KSR2: variants seen among roughly 807,000 people sequenced by gnomAD.
KSR2 encodes kinase suppressor of ras 2.
In KSR2, 25 loss-of-function variants were observed where a neutral mutation model predicts 107.8. The ratio of observed to expected loss-of-function variants is 0.23; its 90% CI spans 0.17 to 0.32. The LOEUF (loss-of-function observed/expected upper bound fraction) is 0.32, where lower values mean the gene tolerates loss of function less well. KSR2 is among the 10% of genes least tolerant of loss of function. KSR2 has a pLI of 1.00. For synonymous variants in KSR2, 480 were observed against 507.0 expected, an observed-to-expected ratio of 0.95 and a Z score of 0.71; for missense variants, 887 against 1,268.9, an observed-to-expected ratio of 0.70 and a Z score of 4.57.
intron 4 of KSR2, among the ~76,000 whole-genome samples, chr12:117,760,231 A>T (rs913723656): frequency 6.6e-6 from 1 of 152,196 alleles, no homozygotes; most frequent in Non-Finnish European, 1.5e-5. Context: ...GCTACTGTGA[A>T]TAGCACAGCA....
At chr12:117,921,868 G>C (rs1400174770) in intron 1 of KSR2, among the ~76,000 whole-genome samples, 1 of 152,120 alleles carries the variant, frequency 6.6e-6, no homozygotes, top group African/African-American at 2.4e-5. Flanking sequence ...AAAGTGGTTT[G>C]ACAAAAATAA....
intron 3 of KSR2, among the ~76,000 whole-genome samples, chr12:117,777,078 T>A (rs937585922): frequency 1.7e-4 from 19 of 111,304 alleles, no homozygotes; most frequent in East Asian, 1.5e-3. Context: ...CTGTATTTAA[T>A]ATATATATTT....
chr12:117,698,181 TA>T (rs1463196845), intron 4 of KSR2, among the ~76,000 whole-genome samples: 1 of 152,202 alleles, frequency 6.6e-6, no homozygotes, highest in African/African-American at 2.4e-5. Flanking sequence ...TGTGAGACAG[TA>T]AATTTCTGTT....
In KSR2 at chr12:117,874,015, C is replaced by T. The variant is rs574677753; in HGVS notation, c.181-13584G>A. ...GCGTTTTTTTGCATTTCATTTCCCT[C>T]GCAAATCATCTTTATTCTATTTCAC... is the stretch of plus-strand genomic sequence containing the variant. On this transcript the variant is annotated intron_variant, in intron 1 of 19. Coordinates refer to ENST00000339824, the MANE Select transcript of KSR2 (RefSeq NM_173598.6). 5.3e-5 allele frequency among the ~76,000 whole-genome samples: 8 copies of T among 152,322 alleles called. No homozygotes were observed. In the East Asian group the frequency reaches 7.7e-4, roughly 15 times the overall value.
intron 3 of KSR2, among the ~76,000 whole-genome samples, chr12:117,812,820 A>G (rs1374917139): frequency 7.6e-6 from 1 of 131,286 alleles, no homozygotes; most frequent in Non-Finnish European, 1.6e-5. Flanking sequence ...TCTGTGTGGA[A>G]CCACAAAAGA....
intron 5 of KSR2, among the ~76,000 whole-genome samples, chr12:117,607,322 T>A (rs1295669136): frequency 6.6e-6 from 1 of 152,212 alleles, no homozygotes; most frequent in East Asian, 1.9e-4. Context: ...CTGTGAGGCC[T>A]CCTCTAGTCT....
intron 3 of KSR2, among the ~76,000 whole-genome samples, chr12:117,803,724 A>G (rs1046028309): frequency 6.6e-6 from 1 of 152,166 alleles, no homozygotes; most frequent in African/African-American, 2.4e-5. Flanking sequence ...AATTAAATTT[A>G]AAAAAGAAAA....
intron 10 of KSR2, 147 bp downstream of exon 10, chr12:117,539,571 AC>A (rs1268595268): frequency 1.5e-6 from 1 of 687,560 alleles, no homozygotes; most frequent in East Asian, 3.1e-5. Context: ...GGGTCAGTCC[AC>A]ATACTTCCTT....
chr12:117,907,488 A>T lies in KSR2; in HGVS notation c.181-47057T>A, dbSNP rs1391794408. Among the ~76,000 whole-genome samples the T allele has an allele frequency of 6.6e-6, 1 of 152,106 alleles. No individual in the cohort carries two copies. The highest frequency in any genetic ancestry group is 2.4e-5 in the African/African-American group (1 of 41,434). On this transcript the variant is annotated intron_variant, in intron 1 of 19. Transcript: ENST00000339824. This position sits in a 1 kb window ranked among gnomAD's most constrained non-coding sequence, Gnocchi z 4.3. Reference sequence around the variant, plus strand: ...ACAACAGCTGCACCCCTCTCCCAACACCATCCGCTAACTAATCTACGGGGC... The same window carrying T: ...ACAACAGCTGCACCCCTCTCCCAACTCCATCCGCTAACTAATCTACGGGGC...
rs1266940375 is a variant in KSR2, at chr12:117,968,057, T to C, written c.180+19A>G. ...TTTTTTTTTTTTTTTTTTTTTTTTTTCCCGTAGGCAACACCTACCTCCAGG... is the reference window on the plus strand; with the variant it reads ...TTTTTTTTTTTTTTTTTTTTTTTTTCCCCGTAGGCAACACCTACCTCCAGG... On this transcript the variant is annotated intron_variant, in intron 1 of 19. Coordinates refer to ENST00000339824, the MANE Select transcript of KSR2 (RefSeq NM_173598.6). 562 of 722,638 alleles carry C rather than the reference T, an allele frequency of 7.8e-4. 4 individuals carry two copies. Among genetic ancestry groups the C allele is most frequent in the Middle Eastern group, 6.8e-3 (17 of 2,508 alleles). 44.8% of individuals were successfully genotyped at this position (722,638 alleles called of 1,614,324 possible).
chr12:117,502,258 C>T (rs1174949545), intron 14 of KSR2, among the ~76,000 whole-genome samples: 3 of 152,038 alleles, frequency 2.0e-5, no homozygotes, highest in Admixed American at 6.6e-5. Flanking sequence ...TGTGGACTCA[C>T]GTGTGTAGGG....
intron 4 of KSR2, among the ~76,000 whole-genome samples, chr12:117,670,928 C>T (rs932623355): frequency 6.6e-6 from 1 of 152,124 alleles, no homozygotes; most frequent in Non-Finnish European, 1.5e-5. Context: ...GTGTATAATG[C>T]CCTCTCCTAC....
intron 3 of KSR2, among the ~76,000 whole-genome samples, chr12:117,821,453 AAC>A (rs1336731088): frequency 6.6e-6 from 1 of 152,208 alleles, no homozygotes; most frequent in African/African-American, 2.4e-5. Flanking sequence ...TTTTCTTAAT[AAC>A]ATTTTCTTTT....
intron 1 of KSR2, among the ~76,000 whole-genome samples, chr12:117,887,360 C>T (rs1414135517): frequency 6.6e-6 from 1 of 152,168 alleles, no homozygotes; most frequent in African/African-American, 2.4e-5. Flanking sequence ...CCTTGGCCTC[C>T]CAAGTGCTGG....
At chr12:117,922,170 T>C (rs1895365430) in intron 1 of KSR2, among the ~76,000 whole-genome samples, 1 of 152,206 alleles carries the variant, frequency 6.6e-6, no homozygotes, top group South Asian at 2.1e-4. Context: ...CGTTCCCACC[T>C]ATCTGAAGAC....
At chr12:117,670,366 T>G (rs1197340494) in intron 4 of KSR2, among the ~76,000 whole-genome samples, 1 of 152,152 alleles carries the variant, frequency 6.6e-6, no homozygotes, top group Non-Finnish European at 1.5e-5. Context: ...GAGATGCTGT[T>G]ATTATCTTCT....
chr12:117,563,682 C>T (rs1878270626), intron 7 of KSR2, among the ~76,000 whole-genome samples: 1 of 152,178 alleles, frequency 6.6e-6, no homozygotes, highest in African/African-American at 2.4e-5. Flanking sequence ...AGATCCTCTG[C>T]TGGAGGACTT....
intron 3 of KSR2, among the ~76,000 whole-genome samples, chr12:117,820,060 C>CT (rs1348175772): frequency 6.6e-6 from 1 of 152,148 alleles, no homozygotes; most frequent in Admixed American, 6.5e-5. Context: ...ATTTGGTTTT[C>CT]TTTTTTTACA....
At chr12:117,653,390 A>G (rs1229691088) in intron 5 of KSR2, among the ~76,000 whole-genome samples, 2 of 152,208 alleles carry the variant, frequency 1.3e-5, no homozygotes, top group African/African-American at 2.4e-5. Flanking sequence ...CCAGCAATAT[A>G]CCTTCACTGT....
Sources: gnomAD v4.1 joint callset for allele counts (sites outside exome capture counted in the v4.1 genomes callset) on GRCh38, gnomAD v4.1.1 for gene constraint, Gnocchi (gnomAD v3.1) non-coding constraint, MANE v1.5 for transcripts, NCBI Gene and HGNC (gene_info 2026-07-23, HGNC 2026-07-21) for gene names.